The following PLSCR2 variants were observed in gnomAD, a reference collection of about 807,000 sequenced individuals.
PLSCR2 encodes the protein PL scramblase 2.
Under a neutral mutation model 25.3 loss-of-function variants are expected in PLSCR2, and 18 were observed. The observed-to-expected ratio is 0.71, with a 90% CI of 0.49 to 1.06. The LOEUF is 1.06. Among genes scored for constraint, PLSCR2 ranks in the 50% least tolerant of loss-of-function variants. The pLI is 0.00. For synonymous variants in PLSCR2, 88 were observed against 87.3 expected, an observed-to-expected ratio of 1.01 and a Z score of -0.04; for missense variants, 243 against 269.5, an observed-to-expected ratio of 0.90 and a Z score of 0.69.
chr3:146,463,996 T>C, upstream of PLSCR2: 1 of 983,032 alleles, frequency 1.0e-6, no homozygotes, highest in Non-Finnish European at 1.2e-6. Context: ...TATTTGGCCC[T>C]GAAATAAATC....
chr3:146,442,767 G>A (rs1255441805), intron 6 of PLSCR2, among the ~76,000 whole-genome samples: 2 of 151,810 alleles, frequency 1.3e-5, no homozygotes, highest in African/African-American at 4.8e-5. Context: ...ACAGAAGAAT[G>A]GATTTTGACC....
intron 1 of PLSCR2, among the ~76,000 whole-genome samples, chr3:146,486,417 T>A (rs2043345068): frequency 6.8e-6 from 1 of 147,326 alleles, no homozygotes; most frequent in Non-Finnish European, 1.5e-5. Context: ...AAATATAGAC[T>A]GCTAGCTAGA....
intron 1 of PLSCR2, 192 bp downstream of exon 1, chr3:146,469,303 A>T (rs1363804386): frequency 1.0e-6 from 1 of 985,478 alleles, no homozygotes; most frequent in East Asian, 1.1e-4. Context: ...TTCTGGTGTG[A>T]GCCAGGGTAC....
At chr3:146,483,172 G>T (rs1227864288) in intron 1 of PLSCR2, among the ~76,000 whole-genome samples, 1 of 149,002 alleles carries the variant, frequency 6.7e-6, no homozygotes, top group Non-Finnish European at 1.5e-5. Flanking sequence ...AATCTACAAA[G>T]AACTTAAACA....
chr3:146,442,025 C>G (rs1207205260), intron 6 of PLSCR2, among the ~76,000 whole-genome samples: 2 of 151,980 alleles, frequency 1.3e-5, no homozygotes, highest in Admixed American at 6.6e-5. Context: ...TCCTATAATC[C>G]TATTTATTTA....
intron 1 of PLSCR2, among the ~76,000 whole-genome samples, chr3:146,473,137 T>C (rs2042171222): frequency 6.6e-6 from 1 of 152,190 alleles, no homozygotes; most frequent in African/African-American, 2.4e-5. Context: ...TCTTGCAAAA[T>C]GATTTGCCAC....
downstream of PLSCR2, among the ~76,000 whole-genome samples, chr3:146,437,931 A>G (rs2039986120): frequency 6.6e-6 from 1 of 152,076 alleles, no homozygotes; most frequent in Non-Finnish European, 1.5e-5. Context: ...ATTTCCCTCT[A>G]CCCACTGCAT....
intron 1 of PLSCR2, among the ~76,000 whole-genome samples, chr3:146,483,286 G>T (rs2043194818): frequency 7.0e-6 from 1 of 142,862 alleles, no homozygotes; most frequent in Admixed American, 7.1e-5. Context: ...TGAACGGGGG[G>T]TGGGGGGCTG....
chr3:146,464,545 G>T (rs768810678), upstream of PLSCR2, among the ~76,000 whole-genome samples: 29 of 152,246 alleles, frequency 1.9e-4, no homozygotes, highest in Non-Finnish European at 3.7e-4. Flanking sequence ...TTCAGAGAAA[G>T]AGAAAATCAT....
chr3:146,435,662 C>G (rs2039799277), intron 8 of PLSCR2, among the ~76,000 whole-genome samples: 1 of 152,162 alleles, frequency 6.6e-6, no homozygotes, highest in African/African-American at 2.4e-5. Flanking sequence ...TTTGTAGATT[C>G]TGGACATTAG....
At chr3:146,398,112 A>G (rs1388238203) in intron 2 of PLSCR2, among the ~76,000 whole-genome samples, 1 of 151,940 alleles carries the variant, frequency 6.6e-6, no homozygotes, top group Non-Finnish European at 1.5e-5. Flanking sequence ...AACCAACACA[A>G]TATTCTCTGT....
intron 2 of PLSCR2, chr3:146,416,465 T>C (rs1486828696): frequency 6.6e-6 from 1 of 152,212 alleles, no homozygotes; most frequent in South Asian, 2.1e-4. Flanking sequence ...AAATTCATGT[T>C]GTTATGGATC....
chr3:146,429,766 T>C (rs374776269), downstream of PLSCR2, among the ~76,000 whole-genome samples: 54 of 152,036 alleles, frequency 3.6e-4, no homozygotes, highest in South Asian at 1.0e-2. Flanking sequence ...GCTGGGACTA[T>C]AGGCGCCCGC....
intron 2 of PLSCR2, among the ~76,000 whole-genome samples, chr3:146,416,977 A>G (rs2039020522): frequency 6.6e-6 from 1 of 152,210 alleles, no homozygotes; most frequent in Admixed American, 6.5e-5. Context: ...AATCTTGAAG[A>G]ATGAGCATTG....
intron 6 of PLSCR2, among the ~76,000 whole-genome samples, chr3:146,448,012 CA>C (rs2040662447): frequency 6.6e-6 from 1 of 152,168 alleles, no homozygotes; most frequent in South Asian, 2.1e-4. Flanking sequence ...CTCCCTCCCC[CA>C]ACCACACAGA....
intron 2 of PLSCR2, among the ~76,000 whole-genome samples, chr3:146,423,215 C>T (rs1002009730): frequency 2.8e-5 from 4 of 144,726 alleles, no homozygotes; most frequent in Non-Finnish European, 6.0e-5. Context: ...GGTTCTGTCT[C>T]TTTCCTCTCC....
intron 1 of PLSCR2, among the ~76,000 whole-genome samples, chr3:146,493,997 G>A (rs1014665334): frequency 2.0e-5 from 3 of 151,860 alleles, no homozygotes; most frequent in African/African-American, 4.8e-5. Flanking sequence ...CAGAGCTGTT[G>A]GTTTGCAAAT....
chr3:146,444,268 A>G (rs542015496), intron 6 of PLSCR2, among the ~76,000 whole-genome samples: 2 of 151,954 alleles, frequency 1.3e-5, no homozygotes, highest in Non-Finnish European at 1.5e-5. Context: ...GAAAATATCT[A>G]TTGGGTCCAT....
chr3:146,455,551 A>G, intron 3 of PLSCR2, 92 bp from the exon 4 acceptor site: 1 of 750,792 alleles, frequency 1.3e-6, no homozygotes, highest in Non-Finnish European at 2.2e-6. Context: ...ATGATGCTCC[A>G]AGTATCATAG....
Sources: gnomAD v4.1 joint callset for allele counts (sites outside exome capture counted in the v4.1 genomes callset) on GRCh38, gnomAD v4.1.1 for gene constraint, MANE v1.5 for transcripts, NCBI Gene and HGNC (gene_info 2026-07-23, HGNC 2026-07-21) for gene names.